Variants in RYK observed in about 807,000 individuals in gnomAD.
RYK encodes inactive tyrosine-protein kinase RYK.
RYK carries 21 observed loss-of-function variants against 70.2 expected under a neutral mutation model. The observed-to-expected ratio is 0.30, with a 90% CI of 0.21 to 0.43. The LOEUF (loss-of-function observed/expected upper bound fraction) is 0.43. Among genes scored for constraint, RYK ranks in the 20% least tolerant of loss-of-function variants. The pLI, the probability that RYK is intolerant of heterozygous loss-of-function variation, is 1.00. For missense variants in RYK, 604 were observed against 753.3 expected, an observed-to-expected ratio of 0.80 and a Z score of 2.32; for synonymous variants, 267 against 278.0, an observed-to-expected ratio of 0.96 and a Z score of 0.39.
chr3:134,238,526 C>T (rs2015245070), intron 1 of RYK, among the ~76,000 whole-genome samples: 1 of 152,146 alleles, frequency 6.6e-6, no homozygotes, highest in Admixed American at 6.5e-5. Flanking sequence ...CCCTTTTGGT[C>T]CTGATAGGTG....
In RYK at chr3:134,178,012, G is replaced by A. The variant is rs540639521; in HGVS notation, c.1234C>T (p.Pro412Ser). The change falls in exon 11 of 15, where the codon CCT (proline) becomes TCT (serine). Residue 412 changes from proline to serine, a missense_variant. Physicochemically the swap from Pro to Ser is moderately conservative, Grantham distance 74. Transcript: ENST00000623711. ...TTAAGATTCCCCCAATTCATGTAAGGCAATATCACCATGGGCTTTTCTCCT... is the reference window on the plus strand; with the variant it reads ...TTAAGATTCCCCCAATTCATGTAAGACAATATCACCATGGGCTTTTCTCCT... ...EEGEKPMVIL[P>S]YMNWGNLKLF... is the part of the protein sequence containing the mutation. 9.9e-6 allele frequency: 16 copies of A among 1,608,498 alleles called. No individual in the cohort carries two copies. The South Asian group carries it at 1.2e-4, about 12-fold the overall frequency.
At chr3:134,189,632 G>A (rs1184654610) in intron 8 of RYK, among the ~76,000 whole-genome samples, 1 of 150,976 alleles carries the variant, frequency 6.6e-6, no homozygotes, top group East Asian at 1.9e-4. Context: ...AATTAGCCGG[G>A]CGTGGGAGGC....
At chr3:134,212,081 T>C (rs577247086) in intron 2 of RYK, among the ~76,000 whole-genome samples, 6 of 152,360 alleles carry the variant, frequency 3.9e-5, no homozygotes, top group African/African-American at 1.2e-4. Context: ...GATTCCAAGG[T>C]AGATTTCTCA....
intron 10 of RYK, 43 bp downstream of exon 10, chr3:134,182,959 T>G (rs1400098393): frequency 1.6e-6 from 2 of 1,269,262 alleles, no homozygotes; most frequent in Admixed American, 4.3e-5. Context: ...GCATCAAGTG[T>G]TGCCATGCTC....
rs78276042 is a variant in RYK, at chr3:134,209,141, C to T, written c.589+554G>A. On this transcript the variant is annotated intron_variant, in intron 4 of 14. Coordinates refer to ENST00000623711, the MANE Select transcript of RYK (RefSeq NM_002958.4). ...TCAAAACCAAAAAGAACTAACTTTG[C>T]TAAGTACCCACATACGGTATTCTAA... 7.5e-4 allele frequency among the ~76,000 whole-genome samples: 114 copies of T among 152,230 alleles called. No individual in the cohort carries two copies. The Middle Eastern group carries it at 0.014, about 18-fold the overall frequency.
intron 11 of RYK, among the ~76,000 whole-genome samples, chr3:134,176,755 C>A (rs899142995): frequency 3.3e-5 from 5 of 151,746 alleles, no homozygotes; most frequent in Non-Finnish European, 5.9e-5. Flanking sequence ...AAACAAAAAA[C>A]AAAAAAACCC....
chr3:134,217,168 G>A (rs780687350), intron 2 of RYK, among the ~76,000 whole-genome samples: 10 of 152,174 alleles, frequency 6.6e-5, no homozygotes, highest in Non-Finnish European at 1.2e-4. Context: ...AAGTATCTAC[G>A]ATGTTGAACC....
intron 6 of RYK, among the ~76,000 whole-genome samples, chr3:134,199,371 A>C (rs1355126811): frequency 2.0e-5 from 3 of 152,274 alleles, no homozygotes; most frequent in Non-Finnish European, 4.4e-5. Context: ...ATGAATGTAA[A>C]GCACAGGGAA....
chr3:134,235,257 T>G (rs74323261), intron 1 of RYK, among the ~76,000 whole-genome samples: 1 of 152,088 alleles, frequency 6.6e-6, no homozygotes, highest in Non-Finnish European at 1.5e-5. Flanking sequence ...TGAAAAAAAA[T>G]TGAAAATACA....
chr3:134,223,088 A>G (rs1028467305), intron 1 of RYK, among the ~76,000 whole-genome samples: 3 of 152,236 alleles, frequency 2.0e-5, no homozygotes, highest in Non-Finnish European at 2.9e-5. Flanking sequence ...TTGCAGGCAC[A>G]TGCTGTCTTC....
intron 14 of RYK, 25 bp downstream of exon 14, chr3:134,159,212 T>G (rs776608095): frequency 6.2e-7 from 1 of 1,612,570 alleles, no homozygotes; most frequent in South Asian, 1.1e-5. Flanking sequence ...ATAAAACTCA[T>G]GCCTTCAAGC....
At chr3:134,170,062 C>T (rs116655500) in intron 13 of RYK, among the ~76,000 whole-genome samples, 1,863 of 152,214 alleles carry the variant, frequency 0.012, 50 homozygotes, top group African/African-American at 0.043. Context: ...TTTACACGAA[C>T]AGTCACATCA....
At chr3:134,227,583 G>C (rs1301151534) in intron 1 of RYK, among the ~76,000 whole-genome samples, 3 of 151,660 alleles carry the variant, frequency 2.0e-5, no homozygotes, top group African/African-American at 7.3e-5. Flanking sequence ...ACCACAATGA[G>C]ATACCACCTC....
chr3:134,187,350 G>A (rs2013497359), intron 9 of RYK, among the ~76,000 whole-genome samples: 2 of 152,152 alleles, frequency 1.3e-5, no homozygotes, highest in South Asian at 4.1e-4. Context: ...TTCATAAACT[G>A]TATAAAATTT....
Position 134,209,711 on chromosome 3 carries a change from C to A in RYK, c.573G>T (p.Arg191Ser). The A allele has an allele frequency of 6.8e-7, 1 of 1,471,734 alleles. No individual in the cohort carries two copies. The highest frequency in any genetic ancestry group is 9.1e-7 in the Non-Finnish European group (1 of 1,104,506). The allele number at this position is 1,471,734 out of a possible 1,614,324, so 91.2% of individuals were successfully genotyped here. A position where few individuals can be genotyped will look rare whatever the true frequency, so the allele number is the denominator to read the frequency against. The change falls in exon 4 of 15, where the codon AGG becomes AGT. Residue 191 changes from arginine to serine, a missense_variant. Arg to Ser is a moderately radical substitution (Grantham distance 110). Transcript: ENST00000623711. The part of the protein sequence containing the change: ...KNFTVLNFKR[R>S]KMCYKKLEEV... Reference sequence around the variant, plus strand: ...ATTCCTTACTTTTGTAGCACATTTTCCTTCGTTTAAAATTTAAGACGGTAA... The same window carrying A: ...ATTCCTTACTTTTGTAGCACATTTTACTTCGTTTAAAATTTAAGACGGTAA...
intron 9 of RYK, among the ~76,000 whole-genome samples, chr3:134,186,734 A>G (rs2013478182): frequency 6.6e-6 from 1 of 152,170 alleles, no homozygotes. Flanking sequence ...TATCACTATT[A>G]TTTCCTTTTA....
intron 1 of RYK, 79 bp downstream of exon 1, chr3:134,250,344 C>T: frequency 2.2e-6 from 2 of 900,316 alleles, no homozygotes; most frequent in Non-Finnish European, 3.0e-6. Context: ...GTCCACGGCT[C>T]GCAGACTGAT....
intron 1 of RYK, among the ~76,000 whole-genome samples, chr3:134,229,870 CCA>C (rs1209824566): frequency 2.6e-5 from 4 of 151,942 alleles, no homozygotes; most frequent in African/African-American, 9.7e-5. Context: ...CCATTAGCAC[CCA>C]AGAGAATAAC....
chr3:134,229,198 C>T (rs796404508), intron 1 of RYK, among the ~76,000 whole-genome samples: 11 of 151,956 alleles, frequency 7.2e-5, no homozygotes, highest in African/African-American at 1.7e-4. Context: ...CAGAGCGGAG[C>T]GCTCCCTCTC....
Sources: gnomAD v4.1 joint callset for allele counts (sites outside exome capture counted in the v4.1 genomes callset) on GRCh38, gnomAD v4.1.1 for gene constraint, MANE v1.5 for transcripts, NCBI Gene and HGNC (gene_info 2026-07-23, HGNC 2026-07-21) for gene names.